SEC63: variants seen among roughly 807,000 people sequenced by gnomAD.
SEC63 encodes SEC63 protein translocation regulator.
Under a neutral mutation model 116.2 loss-of-function variants are expected in SEC63, and 56 were observed. The ratio of observed to expected loss-of-function variants is 0.48; its 90% CI spans 0.39 to 0.60. The LOEUF is 0.60. Ranked by LOEUF, SEC63 falls within the 20% of genes least tolerant of loss-of-function variation. The probability of loss-of-function intolerance (pLI) is 0.00; values close to 1 mark genes in which losing one functional copy is unlikely to be tolerated. For synonymous variants in SEC63, 273 were observed against 294.6 expected, an observed-to-expected ratio of 0.93 and a Z score of 0.75; for missense variants, 668 against 900.0, an observed-to-expected ratio of 0.74 and a Z score of 3.30.
intron 14 of SEC63, among the ~76,000 whole-genome samples, chr6:107,895,578 A>T (rs1441455644): frequency 6.6e-6 from 1 of 152,090 alleles, no homozygotes; most frequent in Non-Finnish European, 1.5e-5. Flanking sequence ...TTTTCCTACC[A>T]GCAATTTTAG....
chr6:107,954,824 A>G (rs1450395191), intron 1 of SEC63: 1 of 149,916 alleles, frequency 6.7e-6, no homozygotes, highest in Non-Finnish European at 1.5e-5. Flanking sequence ...GTAATTCCAC[A>G]GAAACAACTC....
chr6:107,871,996 A>C, intron 20 of SEC63, 149 bp from the exon 21 acceptor site: 2 of 741,856 alleles, frequency 2.7e-6, no homozygotes, highest in Non-Finnish European at 4.5e-6. Context: ...ATTCATTTAG[A>C]ACAGACACTT....
chr6:107,910,181 G>A (rs1237665184), intron 7 of SEC63, among the ~76,000 whole-genome samples: 1 of 152,118 alleles, frequency 6.6e-6, no homozygotes, highest in East Asian at 1.9e-4. Context: ...ATATATCTGT[G>A]TCAGCCAGGC....
chr6:107,947,435 T>G (rs1221076346), intron 1 of SEC63, among the ~76,000 whole-genome samples: 1 of 151,342 alleles, frequency 6.6e-6, no homozygotes, highest in East Asian at 1.9e-4. Flanking sequence ...CTATAGGGAG[T>G]GACGGTGTGC....
chr6:107,906,603 T>G, intron 9 of SEC63, 23 bp from the exon 10 acceptor site: 1 of 1,609,632 alleles, frequency 6.2e-7, no homozygotes, highest in Non-Finnish European at 8.5e-7. Flanking sequence ...AAATAATTAT[T>G]CAAAAACACG....
At position 107,886,233 on chromosome 6, in the gene SEC63, C is replaced by T. The variant is rs181933578; in HGVS notation, c.1675-3087G>A. Among the ~76,000 whole-genome samples the T allele has an allele frequency of 4.2e-3, 632 of 152,260 alleles. 9 individuals are homozygous for T. Among genetic ancestry groups the T allele is most frequent in the African/African-American group, 0.015 (610 of 41,552 alleles). On this transcript the variant is annotated intron_variant, in intron 16 of 20. Coordinates refer to ENST00000369002, the MANE Select transcript of SEC63 (RefSeq NM_007214.5). ...CATAGTATTCCATGGTGTATATGTG[C>T]CACATTTTCTTTATCCAGTCTATCA...
At chr6:107,922,350 T>C (rs556062918) in intron 3 of SEC63, among the ~76,000 whole-genome samples, 67 of 152,158 alleles carry the variant, frequency 4.4e-4, no homozygotes, top group African/African-American at 1.3e-3. Context: ...TACTAAAAAA[T>C]ACAAAAATTA....
chr6:107,911,114 TGGGG>T, intron 7 of SEC63: 1 of 540,576 alleles, frequency 1.8e-6, no homozygotes. Context: ...TTTTTTCAGT[TGGGG>T]TCTCACTCTG....
rs1786409231 is a variant in SEC63 at position 107,881,253 on chromosome 6, A to G, written c.1834-3T>C. 4 of 1,591,856 alleles carry G rather than the reference A, an allele frequency of 2.5e-6. No homozygotes were observed. Among genetic ancestry groups the G allele is most frequent in the African/African-American group, 1.3e-5 (1 of 74,340 alleles). On this transcript the variant is annotated splice_region_variant and splice_polypyrimidine_tract_variant and intron_variant, in intron 17 of 20. Coordinates refer to ENST00000369002, the MANE Select transcript of SEC63 (RefSeq NM_007214.5). ...CTTTGTTGTAATTCTTGCCACTCCT[A>G]GTAAACAAAAAAATTAAAATATTTA...
At chr6:107,913,698 T>C (rs1373426655) in intron 4 of SEC63, among the ~76,000 whole-genome samples, 6 of 152,160 alleles carry the variant, frequency 3.9e-5, no homozygotes, top group African/African-American at 1.4e-4. Flanking sequence ...ACCAGATGGT[T>C]CTCAGTTCAA....
intron 16 of SEC63, among the ~76,000 whole-genome samples, chr6:107,886,034 G>C (rs1186139887): frequency 6.6e-6 from 1 of 152,088 alleles, no homozygotes; most frequent in Non-Finnish European, 1.5e-5. Flanking sequence ...ACATGCCCCG[G>C]TGTGTGATGT....
intron 1 of SEC63, among the ~76,000 whole-genome samples, chr6:107,952,412 G>T (rs557916814): frequency 1.3e-5 from 2 of 152,068 alleles, no homozygotes; most frequent in African/African-American, 2.4e-5. Flanking sequence ...CTTAAAAATT[G>T]AAAGTCCCAA....
intron 1 of SEC63, among the ~76,000 whole-genome samples, chr6:107,953,871 C>A (rs899949813): frequency 1.4e-5 from 2 of 144,108 alleles, no homozygotes; most frequent in African/African-American, 2.6e-5. Context: ...CCCGGCCAGC[C>A]GCCCGGTCCG....
chr6:107,899,113 C>A (rs1786936388), intron 13 of SEC63, among the ~76,000 whole-genome samples: 1 of 152,148 alleles, frequency 6.6e-6, no homozygotes, highest in Non-Finnish European at 1.5e-5. Flanking sequence ...CTGTTTGGTG[C>A]TTTAAAGTGA....
chr6:107,899,325 G>T (rs1313039044), intron 13 of SEC63, among the ~76,000 whole-genome samples: 1 of 152,186 alleles, frequency 6.6e-6, no homozygotes, highest in African/African-American at 2.4e-5. Context: ...AAGATGCTAT[G>T]GAGTGGATCC....
At chr6:107,880,767 C>T (rs1362600432) in intron 18 of SEC63, among the ~76,000 whole-genome samples, 3 of 152,010 alleles carry the variant, frequency 2.0e-5, no homozygotes, top group African/African-American at 4.8e-5. Flanking sequence ...TTTTTTCATC[C>T]GATTTAAAAC....
chr6:107,893,987 TTAAG>T lies in SEC63; in HGVS notation c.1441-94_1441-91del, dbSNP rs555325354. On this transcript the variant is annotated intron_variant, in intron 14 of 20. Transcript: ENST00000369002. ...AGCAATCTTTCAAACTGCATTTTTA[TTAAG>T]TATTTTTAACTGGCTACAATTGACA... is the stretch of plus-strand genomic sequence containing the variant. 1.5e-5 allele frequency: 20 copies of T among 1,331,336 alleles called. No individual in the cohort carries two copies. In the South Asian group the frequency reaches 2.4e-4, roughly 16 times the overall value. The allele number at this position is 1,331,336 out of a possible 1,614,324, so 82.5% of individuals were successfully genotyped here.
intron 1 of SEC63, among the ~76,000 whole-genome samples, chr6:107,950,041 A>G (rs1770547615): frequency 6.6e-6 from 1 of 152,242 alleles, no homozygotes; most frequent in African/African-American, 2.4e-5. Flanking sequence ...TCCATCTACA[A>G]GAGACTCACT....
intron 12 of SEC63, 102 bp downstream of exon 12, chr6:107,902,742 T>TA: frequency 8.8e-7 from 1 of 1,134,508 alleles, no homozygotes; most frequent in East Asian, 2.3e-5. Flanking sequence ...ATTCTAAATC[T>TA]AAAAAATGCA....
Sources: allele counts gnomAD v4.1 joint callset (sites outside exome capture counted in the v4.1 genomes callset), GRCh38; gene constraint gnomAD v4.1.1; transcripts MANE v1.5; gene names NCBI Gene and HGNC (gene_info 2026-07-23, HGNC 2026-07-21).